The following FAM107B variants were observed in gnomAD, a reference collection of about 807,000 sequenced individuals.
FAM107B encodes the protein protein FAM107B.
Under a neutral mutation model 31.5 loss-of-function variants are expected in FAM107B, and 21 were observed. That is an observed-to-expected ratio of 0.67 (90% CI 0.47 to 0.96). The LOEUF is 0.96. Among genes scored for constraint, FAM107B ranks in the 40% least tolerant of loss-of-function variants. FAM107B has a pLI of 0.00. For synonymous variants in FAM107B, 157 were observed against 141.5 expected (o/e 1.11, Z -0.78); for missense variants, 452 against 377.1 (o/e 1.20, Z -1.64).
intron 2 of FAM107B, among the ~76,000 whole-genome samples, chr10:14,587,223 C>T (rs1851874772): frequency 6.6e-6 from 1 of 152,136 alleles, no homozygotes; most frequent in Admixed American, 6.5e-5. Context: ...CATCGTCCTT[C>T]TAATGCGCCA....
At chr10:14,750,135 T>C (rs915135939) in intron 1 of FAM107B, among the ~76,000 whole-genome samples, 3 of 152,104 alleles carry the variant, frequency 2.0e-5, no homozygotes, top group Non-Finnish European at 4.4e-5. Context: ...ATTGGTAGCA[T>C]CCTCAAGGCT....
intron 2 of FAM107B, among the ~76,000 whole-genome samples, chr10:14,632,970 G>T (rs1853406148): frequency 6.6e-6 from 1 of 152,100 alleles, no homozygotes; most frequent in Non-Finnish European, 1.5e-5. Flanking sequence ...AAGCCAAGGC[G>T]GGCAGATCAC....
chr10:14,651,832 G>C (rs908725087), intron 2 of FAM107B, among the ~76,000 whole-genome samples: 1 of 152,154 alleles, frequency 6.6e-6, no homozygotes, highest in African/African-American at 2.4e-5. Flanking sequence ...CAAGTTAGGA[G>C]ATGATGAAAA....
At chr10:14,637,762 G>A (rs1853536452) in intron 2 of FAM107B, among the ~76,000 whole-genome samples, 1 of 152,114 alleles carries the variant, frequency 6.6e-6, no homozygotes, top group Admixed American at 6.5e-5. Flanking sequence ...TGACATGTTG[G>A]GGTGGTGTAT....
At chr10:14,672,001 C>T (rs1854568458) in intron 1 of FAM107B, among the ~76,000 whole-genome samples, 1 of 151,782 alleles carries the variant, frequency 6.6e-6, no homozygotes, top group South Asian at 2.1e-4. Flanking sequence ...AGAACTCCAG[C>T]TCTGGGAAAT....
At chr10:14,577,853 AG>A (rs1278432291) in intron 2 of FAM107B, among the ~76,000 whole-genome samples, 1 of 152,190 alleles carries the variant, frequency 6.6e-6, no homozygotes, top group Non-Finnish European at 1.5e-5. Flanking sequence ...TTTCTCTTTA[AG>A]ATAAACATTT....
intron 1 of FAM107B, among the ~76,000 whole-genome samples, chr10:14,677,407 G>A (rs950058403): frequency 6.6e-6 from 1 of 152,142 alleles, no homozygotes; most frequent in Non-Finnish European, 1.5e-5. Context: ...AGATCACGAG[G>A]TCAGGAGATT....
chr10:14,760,111 G>T (rs771187525), intron 1 of FAM107B, among the ~76,000 whole-genome samples: 54 of 152,182 alleles, frequency 3.5e-4, no homozygotes, highest in Non-Finnish European at 7.3e-4. Context: ...TTAAGGCCAC[G>T]TGGGAGAATA....
At chr10:14,705,494 G>T (rs573579237) in intron 1 of FAM107B, among the ~76,000 whole-genome samples, 1 of 152,072 alleles carries the variant, frequency 6.6e-6, no homozygotes, top group African/African-American at 2.4e-5. Context: ...GATAAACAAA[G>T]TGTGGTCTAG....
chr10:14,538,472 T>C lies in FAM107B; in HGVS notation c.470-7957A>G, dbSNP rs551278185. Among the ~76,000 whole-genome samples the C allele has an allele frequency of 1.6e-3, 244 of 152,314 alleles. 3 individuals are homozygous for C. The highest frequency in any genetic ancestry group is 5.7e-3 in the African/African-American group (238 of 41,570). On this transcript the variant is annotated intron_variant, in intron 2 of 4. Coordinates refer to ENST00000181796, the MANE Select transcript of FAM107B (RefSeq NM_031453.4). ...ACAAAGCAAGATGCAGAAGAGTATATACTGCATGCGTCCATGTACATAATG... is the reference window on the plus strand; with the variant it reads ...ACAAAGCAAGATGCAGAAGAGTATACACTGCATGCGTCCATGTACATAATG...
Position 14,620,643 on chromosome 10 carries a change from A to G in FAM107B, c.469+46991T>C, listed in dbSNP as rs374969296. Among the ~76,000 whole-genome samples the G allele has an allele frequency of 7.2e-5, 11 of 152,222 alleles. No individual in the cohort carries two copies. In the South Asian group the frequency reaches 1.9e-3, roughly 26 times the overall value. ...GTTTGCTGCACCCATCAACCCGTCAACTACATTAGGTATTTCTCCTAATGC... is the reference window on the plus strand; with the variant it reads ...GTTTGCTGCACCCATCAACCCGTCAGCTACATTAGGTATTTCTCCTAATGC... On this transcript the variant is annotated intron_variant, in intron 2 of 4. Coordinates refer to ENST00000181796, the MANE Select transcript of FAM107B (RefSeq NM_031453.4).
At chr10:14,582,999 T>C (rs982219630) in intron 2 of FAM107B, among the ~76,000 whole-genome samples, 7 of 151,336 alleles carry the variant, frequency 4.6e-5, no homozygotes, top group Non-Finnish European at 7.4e-5. Flanking sequence ...GGCAGGAGAA[T>C]TGCTTGAACC....
chr10:14,709,625 G>A (rs1855595001), intron 1 of FAM107B, among the ~76,000 whole-genome samples: 1 of 152,072 alleles, frequency 6.6e-6, no homozygotes, highest in South Asian at 2.1e-4. Flanking sequence ...AGATTTGGGT[G>A]GGGACACAGC....
intron 1 of FAM107B, among the ~76,000 whole-genome samples, chr10:14,672,515 G>A (rs866262062): frequency 1.5e-4 from 23 of 152,238 alleles, no homozygotes; most frequent in African/African-American, 4.6e-4. Flanking sequence ...TTTACAACAT[G>A]AATATGTGTT....
At chr10:14,629,776 G>A (rs1396681920) in intron 2 of FAM107B, among the ~76,000 whole-genome samples, 1 of 150,070 alleles carries the variant, frequency 6.7e-6, no homozygotes, top group South Asian at 2.1e-4. Context: ...GCCTCCCAAA[G>A]TGCTGGGATT....
At chr10:14,563,184 G>C (rs1030806431) in intron 2 of FAM107B, among the ~76,000 whole-genome samples, 1 of 152,174 alleles carries the variant, frequency 6.6e-6, no homozygotes, top group African/African-American at 2.4e-5. Flanking sequence ...TTTACACGTA[G>C]AAGGCAACCT....
chr10:14,610,384 T>C (rs748942594), intron 2 of FAM107B, among the ~76,000 whole-genome samples: 128 of 152,188 alleles, frequency 8.4e-4, no homozygotes, highest in Non-Finnish European at 1.6e-3. Context: ...AATTTTATCA[T>C]TTAAATAGCA....
At chr10:14,566,868 G>T (rs983915746) in intron 2 of FAM107B, among the ~76,000 whole-genome samples, 4 of 152,176 alleles carry the variant, frequency 2.6e-5, no homozygotes, top group Admixed American at 6.5e-5. Flanking sequence ...CATCGGAGGT[G>T]GGGCCGGGCG....
At chr10:14,769,295 T>G (rs1263293836) in intron 1 of FAM107B, among the ~76,000 whole-genome samples, 1 of 152,232 alleles carries the variant, frequency 6.6e-6, no homozygotes, top group Non-Finnish European at 1.5e-5. Flanking sequence ...CTCTGCCCAG[T>G]TGCTAAACCA....
Sources: allele counts gnomAD v4.1 joint callset (sites outside exome capture counted in the v4.1 genomes callset), GRCh38; gene constraint gnomAD v4.1.1; transcripts MANE v1.5; gene names NCBI Gene and HGNC (gene_info 2026-07-23, HGNC 2026-07-21).